Variants in STPG2 observed in about 807,000 individuals in gnomAD.
STPG2 encodes the protein sperm tail PG-rich repeat containing 2, also known as sperm-tail PG-rich repeat-containing protein 2.
Under a neutral mutation model 54.2 loss-of-function variants are expected in STPG2, and 56 were observed. The observed-to-expected ratio is 1.03, with a 90% CI of 0.83 to 1.29. The LOEUF is 1.29. Ranked by LOEUF, STPG2 falls within the 50% of genes most tolerant of loss-of-function variation. The probability of loss-of-function intolerance (pLI) is 0.00; values close to 1 mark genes in which losing one functional copy is unlikely to be tolerated. For missense variants in STPG2, 596 were observed against 544.9 expected (o/e 1.09, Z -0.93); for synonymous variants, 200 against 181.8 (o/e 1.10, Z -0.81).
intron 10 of STPG2, among the ~76,000 whole-genome samples, chr4:97,568,840 C>A (rs549503090): frequency 1.3e-5 from 2 of 151,946 alleles, no homozygotes; most frequent in African/African-American, 4.8e-5. Flanking sequence ...AGGGGTTAGC[C>A]CTGGCCAAAT....
intron 7 of STPG2, among the ~76,000 whole-genome samples, chr4:97,956,186 A>T (rs1403636437): frequency 6.6e-6 from 1 of 152,214 alleles, no homozygotes; most frequent in African/African-American, 2.4e-5. Context: ...GTTCTGAGTC[A>T]GTCTTATTGA....
intron 9 of STPG2, among the ~76,000 whole-genome samples, chr4:97,783,330 A>G (rs922571710): frequency 6.6e-6 from 1 of 152,234 alleles, no homozygotes; most frequent in Non-Finnish European, 1.5e-5. Flanking sequence ...AAAAATGTTC[A>G]TCATCACTGG....
At chr4:98,089,307 G>A (rs1394079258) in intron 5 of STPG2, among the ~76,000 whole-genome samples, 1 of 151,984 alleles carries the variant, frequency 6.6e-6, no homozygotes, top group Non-Finnish European at 1.5e-5. Flanking sequence ...TACAATATTC[G>A]ATTTTCCATT....
At chr4:97,779,137 G>A (rs1464270259) in intron 9 of STPG2, among the ~76,000 whole-genome samples, 1 of 152,084 alleles carries the variant, frequency 6.6e-6, no homozygotes, top group African/African-American at 2.4e-5. Context: ...CTTCTCCGAG[G>A]TAAAGGAAGA....
chr4:97,621,019 C>T (rs1733997076), intron 10 of STPG2, among the ~76,000 whole-genome samples: 1 of 152,092 alleles, frequency 6.6e-6, no homozygotes, highest in South Asian at 2.1e-4. Flanking sequence ...TTTACACAAC[C>T]TGCTCCTGAA....
chr4:97,997,205 T>C (rs1198835380), intron 5 of STPG2, among the ~76,000 whole-genome samples: 2 of 152,188 alleles, frequency 1.3e-5, no homozygotes, highest in East Asian at 1.9e-4. Context: ...CCATCAGTAG[T>C]GGACTGGATG....
At chr4:97,877,476 G>A (rs1320168413) in intron 8 of STPG2, among the ~76,000 whole-genome samples, 4 of 152,182 alleles carry the variant, frequency 2.6e-5, no homozygotes, top group African/African-American at 4.8e-5. Flanking sequence ...ACAGTTCCAC[G>A]TGGCTGGGGA....
intron 4 of STPG2, among the ~76,000 whole-genome samples, chr4:97,445,442 A>G (rs1057349165): frequency 1.3e-5 from 2 of 152,240 alleles, no homozygotes. Flanking sequence ...ACCACATAAG[A>G]AGTAAAAATA....
chr4:97,455,533 C>G (rs1191639802), intron 4 of STPG2, among the ~76,000 whole-genome samples: 3 of 152,144 alleles, frequency 2.0e-5, no homozygotes, highest in Non-Finnish European at 4.4e-5. Context: ...AGAGGAGAGC[C>G]TGGCTGCTGA....
chr4:98,039,946 T>C (rs1736896515), intron 5 of STPG2, among the ~76,000 whole-genome samples: 1 of 151,958 alleles, frequency 6.6e-6, no homozygotes, highest in African/African-American at 2.4e-5. Context: ...ACCAATAGTG[T>C]ATAACTGTTC....
intron 8 of STPG2, among the ~76,000 whole-genome samples, chr4:97,860,415 TG>T (rs1354317324): frequency 1.3e-5 from 2 of 152,148 alleles, no homozygotes; most frequent in East Asian, 3.9e-4. Context: ...AGCAGTGTTT[TG>T]TAGTTTACCT....
At chr4:97,871,040 A>G (rs1729968528) in intron 8 of STPG2, among the ~76,000 whole-genome samples, 1 of 151,094 alleles carries the variant, frequency 6.6e-6, no homozygotes. Flanking sequence ...TCCATCCAAA[A>G]TTTAAAGAAC....
At chr4:97,566,028 TGACCCCA>T (rs1732426442) in intron 10 of STPG2, among the ~76,000 whole-genome samples, 1 of 152,204 alleles carries the variant, frequency 6.6e-6, no homozygotes, top group Non-Finnish European at 1.5e-5. Flanking sequence ...GTCTGTGCCC[TGACCCCA>T]GAGGTGGAGC....
intron 8 of STPG2, among the ~76,000 whole-genome samples, chr4:97,861,500 C>G (rs75520539): frequency 6.6e-6 from 1 of 152,010 alleles, no homozygotes; most frequent in Non-Finnish European, 1.5e-5. Flanking sequence ...TAGGTGTATA[C>G]CCATGTAACC....
chr4:97,814,347 G>C (rs971778977), intron 9 of STPG2, among the ~76,000 whole-genome samples: 2 of 151,544 alleles, frequency 1.3e-5, no homozygotes, highest in Non-Finnish European at 2.9e-5. Flanking sequence ...TTTTTGTTTT[G>C]AGACAGAGTC....
At chr4:97,776,118 C>T (rs548520262) in intron 9 of STPG2, among the ~76,000 whole-genome samples, 114 of 152,120 alleles carry the variant, frequency 7.5e-4, no homozygotes, top group Non-Finnish European at 1.3e-3. Context: ...TTTTTGAATG[C>T]TGTTTGTATT....
chr4:97,843,928 T>C (rs1728871434), intron 8 of STPG2, among the ~76,000 whole-genome samples: 1 of 151,830 alleles, frequency 6.6e-6, no homozygotes, highest in South Asian at 2.1e-4. Context: ...TCTGATTTCA[T>C]ACAAAATTCA....
At chr4:97,450,774 A>C (rs1445693351) in intron 4 of STPG2, among the ~76,000 whole-genome samples, 3 of 152,178 alleles carry the variant, frequency 2.0e-5, no homozygotes, top group African/African-American at 7.2e-5. Context: ...GAGGCCATTA[A>C]AGTTTATTAC....
At chr4:97,457,662 G>A (rs1163371212) in intron 4 of STPG2, among the ~76,000 whole-genome samples, 1 of 152,174 alleles carries the variant, frequency 6.6e-6, no homozygotes, top group African/African-American at 2.4e-5. Context: ...ATTTTAATGT[G>A]CCTAAGTTTG....
Sources: allele counts gnomAD v4.1 joint callset (sites outside exome capture counted in the v4.1 genomes callset), GRCh38; gene constraint gnomAD v4.1.1; transcripts MANE v1.5; gene names NCBI Gene and HGNC (gene_info 2026-07-23, HGNC 2026-07-21).